SUMF1: variants seen among roughly 807,000 people sequenced by gnomAD.
SUMF1 encodes the protein formylglycine-generating enzyme.
Under a neutral mutation model 47.6 loss-of-function variants are expected in SUMF1, and 48 were observed. That is an observed-to-expected ratio of 1.01 (90% CI 0.80 to 1.28). SUMF1 has a LOEUF of 1.28. SUMF1 is among the 50% of genes most tolerant of loss of function. SUMF1 has a pLI of 0.00. For synonymous variants in SUMF1, 230 were observed against 192.1 expected (o/e 1.20, Z -1.63); for missense variants, 571 against 485.4 (o/e 1.18, Z -1.66).
intron 8 of SUMF1, among the ~76,000 whole-genome samples, chr3:4,128,441 C>T (rs1693708785): frequency 6.6e-6 from 1 of 152,144 alleles, no homozygotes; most frequent in Admixed American, 6.5e-5. Context: ...CATCCCCTAA[C>T]CAATCCATGC....
chr3:4,466,093 G>A lies in SUMF1; in HGVS notation c.270+883C>T, dbSNP rs543841714. ...ATGCAAAATACCGGGCAGACAGATT[G>A]AAGTAACAGTTATTTCTTTCTTTCT... On this transcript the variant is annotated intron_variant, in intron 1 of 8. Coordinates refer to ENST00000272902, the MANE Select transcript of SUMF1 (RefSeq NM_182760.4). Among the ~76,000 whole-genome samples the A allele has an allele frequency of 2.6e-5, 4 of 152,190 alleles. No individual in the cohort carries two copies. The South Asian group carries it at 6.2e-4, about 24-fold the overall frequency.
chr3:4,065,386 A>C (rs558409546), intron 9 of SUMF1, among the ~76,000 whole-genome samples: 2 of 152,268 alleles, frequency 1.3e-5, no homozygotes, highest in African/African-American at 4.8e-5. Context: ...TAATTCAATG[A>C]GATTTGCATG....
intron 8 of SUMF1, among the ~76,000 whole-genome samples, chr3:4,176,386 ACGTTC>A: frequency 6.6e-6 from 1 of 152,214 alleles, no homozygotes; most frequent in Non-Finnish European, 1.5e-5. Flanking sequence ...CCAATATTCA[ACGTTC>A]TTAAAGAAAA....
chr3:4,038,294 CAAGGCAGGGGTTCCCTGCTTGGT>C (rs1307863349), intron 9 of SUMF1, among the ~76,000 whole-genome samples: 3 of 152,012 alleles, frequency 2.0e-5, no homozygotes, highest in Non-Finnish European at 2.9e-5. Context: ...GCTGTGGGCC[CAAGGCAGGGGTTCCCTGCTTGGT>C]GATGGGTGAT....
chr3:4,394,645 T>C (rs1700983633), intron 7 of SUMF1, among the ~76,000 whole-genome samples: 1 of 152,224 alleles, frequency 6.6e-6, no homozygotes, highest in African/African-American at 2.4e-5. Flanking sequence ...TAGGATGTGC[T>C]ACAGAAGACA....
intron 7 of SUMF1, among the ~76,000 whole-genome samples, chr3:4,397,292 C>T (rs573720224): frequency 7.2e-5 from 11 of 152,226 alleles, no homozygotes; most frequent in South Asian, 4.1e-4. Context: ...ACCACCAACA[C>T]AGGGTACAGA....
intron 7 of SUMF1, among the ~76,000 whole-genome samples, chr3:4,405,003 C>T (rs1245202633): frequency 3.3e-5 from 5 of 152,108 alleles, no homozygotes; most frequent in African/African-American, 1.2e-4. Context: ...GTCTCATCGC[C>T]TGGGCAGAGG....
intron 8 of SUMF1, among the ~76,000 whole-genome samples, chr3:4,300,661 T>A (rs567027909): frequency 2.0e-5 from 3 of 152,284 alleles, no homozygotes; most frequent in Non-Finnish European, 4.4e-5. Context: ...GAACATTCTG[T>A]AAAGACTTGG....
chr3:4,034,655 G>A (rs1193064293), intron 9 of SUMF1, among the ~76,000 whole-genome samples: 1 of 152,082 alleles, frequency 6.6e-6, no homozygotes, highest in African/African-American at 2.4e-5. Context: ...TAAGTCAGGA[G>A]GCATCAGCAA....
Position 4,441,136 on chromosome 3 carries a change from G to A in SUMF1, c.519+8130C>T, listed in dbSNP as rs992402894. 6.6e-5 allele frequency among the ~76,000 whole-genome samples: 10 copies of A among 152,214 alleles called. No homozygotes were observed. The South Asian group carries it at 1.7e-3, about 25-fold the overall frequency. Reference sequence around the variant, plus strand: ...AAAGCTTCATCTGTATTTACAGCCCGCTCCTCGTTGTTTGCGTTACCACCT... The same window carrying A: ...AAAGCTTCATCTGTATTTACAGCCCACTCCTCGTTGTTTGCGTTACCACCT... On this transcript the variant is annotated intron_variant, in intron 3 of 8. Transcript: ENST00000272902.
chr3:4,103,483 G>C (rs1198851384), intron 8 of SUMF1, among the ~76,000 whole-genome samples: 3 of 151,978 alleles, frequency 2.0e-5, no homozygotes, highest in Non-Finnish European at 2.9e-5. Flanking sequence ...CATGAAGAAA[G>C]TGGTGAAACG....
intron 8 of SUMF1, among the ~76,000 whole-genome samples, chr3:4,271,514 GATA>G (rs767840533): frequency 0.18 from 26,782 of 146,306 alleles, 2,558 homozygotes; most frequent in Non-Finnish European, 0.21. Context: ...TAGATAGATA[GATA>G]GATACAGAGA....
intron 7 of SUMF1, among the ~76,000 whole-genome samples, chr3:4,387,062 A>C (rs1339237092): frequency 6.6e-6 from 1 of 151,732 alleles, no homozygotes; most frequent in Non-Finnish European, 1.5e-5. Flanking sequence ...GTAACCTTCT[A>C]TTTTTTTACT....
chr3:4,058,750 G>A (rs1695231346), intron 9 of SUMF1, among the ~76,000 whole-genome samples: 2 of 152,036 alleles, frequency 1.3e-5, no homozygotes, highest in Non-Finnish European at 1.5e-5. Flanking sequence ...AGACATTCTG[G>A]GAGAAGAAAA....
At chr3:4,296,144 AC>A (rs1697845669) in intron 8 of SUMF1, among the ~76,000 whole-genome samples, 1 of 151,998 alleles carries the variant, frequency 6.6e-6, no homozygotes, top group Non-Finnish European at 1.5e-5. Context: ...ACTGGGTATG[AC>A]TTATGTGCTA....
intron 8 of SUMF1, among the ~76,000 whole-genome samples, chr3:4,364,741 T>G (rs578243754): frequency 1.3e-3 from 203 of 151,506 alleles, no homozygotes; most frequent in Non-Finnish European, 2.5e-3. Flanking sequence ...CTGCTCTGAT[T>G]TTAGTTATTT....
chr3:4,085,388 C>A (rs917201541), intron 8 of SUMF1, among the ~76,000 whole-genome samples: 4 of 152,116 alleles, frequency 2.6e-5, no homozygotes, highest in African/African-American at 7.2e-5. Context: ...AGAGCTTAGA[C>A]AATAGAGGTG....
intron 8 of SUMF1, among the ~76,000 whole-genome samples, chr3:4,367,875 T>TG (rs1700031902): frequency 1.3e-5 from 2 of 151,724 alleles, no homozygotes; most frequent in African/African-American, 4.8e-5. Flanking sequence ...CCTAAAGCCA[T>TG]AAAAACTCTA....
At chr3:4,178,308 C>G (rs560793943) in intron 8 of SUMF1, among the ~76,000 whole-genome samples, 1 of 152,272 alleles carries the variant, frequency 6.6e-6, no homozygotes, top group East Asian at 1.9e-4. Flanking sequence ...TACTGGCAAA[C>G]CGAATCCAGC....
Sources: allele counts gnomAD v4.1 joint callset (sites outside exome capture counted in the v4.1 genomes callset), GRCh38; gene constraint gnomAD v4.1.1; transcripts MANE v1.5; gene names NCBI Gene and HGNC (gene_info 2026-07-23, HGNC 2026-07-21).